Variants in PNKD observed in about 807,000 individuals in gnomAD.
PNKD encodes the protein probable thioesterase PNKD.
Under a neutral mutation model 45.3 loss-of-function variants are expected in PNKD, and 36 were observed. The ratio of observed to expected loss-of-function variants is 0.80; its 90% CI spans 0.61 to 1.05. The LOEUF (loss-of-function observed/expected upper bound fraction) is 1.05, where lower values mean the gene tolerates loss of function less well. Among genes scored for constraint, PNKD ranks in the 50% least tolerant of loss-of-function variants. The pLI, the probability that PNKD is intolerant of heterozygous loss-of-function variation, is 0.00. For synonymous variants in PNKD, 197 were observed against 210.1 expected, an observed-to-expected ratio of 0.94 and a Z score of 0.54; for missense variants, 511 against 506.6, an observed-to-expected ratio of 1.01 and a Z score of -0.08.
intron 2 of PNKD, among the ~76,000 whole-genome samples, chr2:218,306,378 G>T (rs1693402883): frequency 6.6e-6 from 1 of 152,136 alleles, no homozygotes; most frequent in Admixed American, 6.5e-5. Flanking sequence ...TATCATTTCA[G>T]TCATAAAATA....
intron 2 of PNKD, chr2:218,279,380 C>A: frequency 6.5e-7 from 1 of 1,528,714 alleles, no homozygotes; most frequent in African/African-American, 1.4e-5. Context: ...GGGCATGGGT[C>A]ACCATCCGGC....
intron 2 of PNKD, among the ~76,000 whole-genome samples, chr2:218,298,990 A>G: frequency 6.6e-6 from 1 of 151,804 alleles, no homozygotes; most frequent in East Asian, 1.9e-4. Flanking sequence ...CATAATCTCA[A>G]TTTCAGGCAC....
chr2:218,271,982 A>AT (rs1294019191), intron 2 of PNKD, among the ~76,000 whole-genome samples: 2 of 152,132 alleles, frequency 1.3e-5, no homozygotes, highest in African/African-American at 2.4e-5. Context: ...AGAAATCAAC[A>AT]TTTTTTTCTG....
chr2:218,343,157 G>A (rs76295193), intron 7 of PNKD, among the ~76,000 whole-genome samples: 3,548 of 152,316 alleles, frequency 0.023, 139 homozygotes, highest in African/African-American at 0.08. Flanking sequence ...GTCCCAGGCT[G>A]CATGAAATCC....
chr2:218,275,981 C>A, intron 2 of PNKD: 1 of 1,588,312 alleles, frequency 6.3e-7, no homozygotes. Context: ...AGATTCCTCC[C>A]CTCATCCCCT....
chr2:218,295,550 G>A lies in PNKD; in HGVS notation c.236+24001G>A, dbSNP rs75960313. Among the ~76,000 whole-genome samples, 521 of 152,232 alleles carry A rather than the reference G, an allele frequency of 3.4e-3. 5 individuals carry two copies. Among genetic ancestry groups the A allele is most frequent in the African/African-American group, 9.7e-3 (403 of 41,540 alleles). On this transcript the variant is annotated intron_variant, in intron 2 of 9. Coordinates refer to ENST00000273077, the MANE Select transcript of PNKD (RefSeq NM_015488.5). Reference sequence around the variant, plus strand: ...TTAGGAACCAGCCTATTCGGAGGAGGGGAGAAGGTTCTCCAGGCAGAGGGC... The same window carrying A: ...TTAGGAACCAGCCTATTCGGAGGAGAGGAGAAGGTTCTCCAGGCAGAGGGC...
At chr2:218,316,525 C>T (rs1293461866) in intron 2 of PNKD, among the ~76,000 whole-genome samples, 1 of 152,190 alleles carries the variant, frequency 6.6e-6, no homozygotes, top group Non-Finnish European at 1.5e-5. Flanking sequence ...CCTGCCTTGG[C>T]CTCCCAAAGT....
chr2:218,276,930 T>C, intron 2 of PNKD: 1 of 1,309,598 alleles, frequency 7.6e-7, no homozygotes, highest in Non-Finnish European at 1.1e-6. Context: ...CTTTGGGGCC[T>C]GCGAGACCAT....
chr2:218,278,229 T>C lies in PNKD; in HGVS notation c.236+6680T>C. On this transcript the variant is annotated intron_variant, in intron 2 of 9. Transcript: ENST00000273077. ...ACTCTTAAACTGACTGCCTGTGTGATGGGGAGAAAGTTACTCAGCCTCTTT... is the reference window on the plus strand; with the variant it reads ...ACTCTTAAACTGACTGCCTGTGTGACGGGGAGAAAGTTACTCAGCCTCTTT... The C allele has an allele frequency of 5.0e-6, 3 of 604,924 alleles. No individual in the cohort carries two copies. In the South Asian group the frequency reaches 6.1e-5, roughly 12 times the overall value. 37.5% of individuals were successfully genotyped at this position (604,924 alleles called of 1,614,324 possible).
chr2:218,274,583 G>A (rs1018754282), intron 2 of PNKD: 4 of 155,192 alleles, frequency 2.6e-5, no homozygotes, highest in Middle Eastern at 5.2e-4. Flanking sequence ...CTCCCTGCCC[G>A]CACCGAGTCT....
chr2:218,322,206 G>C (rs1307344208), intron 2 of PNKD, among the ~76,000 whole-genome samples: 1 of 152,186 alleles, frequency 6.6e-6, no homozygotes, highest in African/African-American at 2.4e-5. Flanking sequence ...ACAGGCGTGA[G>C]CCACCGCGCC....
At chr2:218,282,074 G>A (rs559662073) in intron 2 of PNKD, 2 of 1,595,478 alleles carry the variant, frequency 1.3e-6, no homozygotes, top group Non-Finnish European at 1.7e-6. Flanking sequence ...ATAGCCCCCA[G>A]GGGGCGGAGG....
At chr2:218,289,980 T>C (rs1241342125) in intron 2 of PNKD, 1 of 152,126 alleles carries the variant, frequency 6.6e-6, no homozygotes. Flanking sequence ...GTTCATGAAC[T>C]AGCTGCAGGA....
intron 2 of PNKD, among the ~76,000 whole-genome samples, chr2:218,314,892 T>A (rs1396815221): frequency 6.7e-6 from 1 of 148,622 alleles, no homozygotes; most frequent in African/African-American, 2.4e-5. Flanking sequence ...GTTTCACCAC[T>A]TTGGACAGGC....
chr2:218,341,782 C>T, intron 6 of PNKD, 156 bp downstream of exon 6: 1 of 767,016 alleles, frequency 1.3e-6, no homozygotes. Flanking sequence ...CACTGCCCAT[C>T]CCCCAACTGA....
chr2:218,336,012 T>C (rs948473034), intron 2 of PNKD, among the ~76,000 whole-genome samples: 6 of 151,720 alleles, frequency 4.0e-5, no homozygotes, highest in African/African-American at 1.5e-4. Context: ...GTCAAGAGAT[T>C]GAGACCATCT....
chr2:218,327,648 C>T (rs909021785), intron 2 of PNKD, among the ~76,000 whole-genome samples: 1 of 152,120 alleles, frequency 6.6e-6, no homozygotes, highest in African/African-American at 2.4e-5. Flanking sequence ...CCACGCCCCT[C>T]GCCCAGGCCT....
chr2:218,302,379 C>A lies in PNKD; in HGVS notation c.236+30830C>A, dbSNP rs888389942. Among the ~76,000 whole-genome samples the A allele has an allele frequency of 1.1e-4, 16 of 152,108 alleles. 1 individual carries two copies. The highest frequency in any genetic ancestry group is 8.5e-4 in the Admixed American group (13 of 15,272). ...CAAAAACAAAAGAGTGGCACCCAGGCACCTCTTATGTTGGCAGAAGGTGGC... is the reference window on the plus strand; with the variant it reads ...CAAAAACAAAAGAGTGGCACCCAGGAACCTCTTATGTTGGCAGAAGGTGGC... On this transcript the variant is annotated intron_variant, in intron 2 of 9. Coordinates refer to ENST00000273077, the MANE Select transcript of PNKD (RefSeq NM_015488.5).
At chr2:218,287,635 G>A (rs1235261659) in intron 2 of PNKD, among the ~76,000 whole-genome samples, 3 of 152,114 alleles carry the variant, frequency 2.0e-5, no homozygotes, top group Non-Finnish European at 4.4e-5. Context: ...GCTCGAACCC[G>A]AGAGGCAGAG....
Sources: gnomAD v4.1 joint callset for allele counts (sites outside exome capture counted in the v4.1 genomes callset) on GRCh38, gnomAD v4.1.1 for gene constraint, MANE v1.5 for transcripts, NCBI Gene and HGNC (gene_info 2026-07-23, HGNC 2026-07-21) for gene names.